ATPAF2: variants seen among roughly 807,000 people sequenced by gnomAD.
ATPAF2 encodes ATP12 homolog.
A neutral mutation model predicts 36.6 loss-of-function variants in ATPAF2; 30 were observed. That is an observed-to-expected ratio of 0.82 (90% CI 0.61 to 1.11). ATPAF2 has a LOEUF of 1.11. Ranked by LOEUF, ATPAF2 falls within the 50% of genes most tolerant of loss-of-function variation. The pLI is 0.00. For synonymous variants in ATPAF2, 140 were observed against 152.6 expected (o/e 0.92, Z 0.61); for missense variants, 321 against 372.3 (o/e 0.86, Z 1.13).
rs1389061026 is a variant in ATPAF2 at position 18,018,627 on chromosome 17, G to GC, written c.791_792insG (p.Arg265ProfsTer86). On this transcript the variant is annotated frameshift_variant, in exon 8 of 8. Coordinates refer to ENST00000474627, the MANE Select transcript of ATPAF2 (RefSeq NM_145691.4). LOFTEE classifies it high-confidence loss of function. Reference sequence around the variant, plus strand: ...TGAAGAGGGTGCCGGCGGCGGTGCGGGCCCGCAGCTCCTGCAGCTCATAGT... The same window carrying GC: ...TGAAGAGGGTGCCGGCGGCGGTGCGGCGCCCGCAGCTCCTGCAGCTCATAGT... 6.2e-7 allele frequency: 1 copy of GC among 1,613,932 alleles called. No homozygotes were observed. The highest frequency in any genetic ancestry group is 8.5e-7 in the Non-Finnish European group (1 of 1,180,042).
rs1597663097 is a variant in ATPAF2, at chr17:18,018,051, A to G, written c.*498T>C. On this transcript the variant is annotated 3_prime_UTR_variant, in exon 8 of 8. Coordinates refer to ENST00000474627, the MANE Select transcript of ATPAF2 (RefSeq NM_145691.4). Reference sequence around the variant, plus strand: ...TCAAAAGATTGTTTGATTAAAAGCCAGCCAAAAAAAAGCCTTCAGGCTGAG... The same window carrying G: ...TCAAAAGATTGTTTGATTAAAAGCCGGCCAAAAAAAAGCCTTCAGGCTGAG... 1 of 179,772 alleles carries G rather than the reference A, an allele frequency of 5.6e-6. No homozygotes were observed. Among genetic ancestry groups the G allele is most frequent in the East Asian group, 1.4e-4 (1 of 7,404 alleles). The allele number at this position is 179,772 out of a possible 1,614,324, so 11.1% of individuals were successfully genotyped here.
intron 4 of ATPAF2, chr17:18,026,116 G>T (rs922568252): frequency 1.5e-6 from 1 of 648,540 alleles, no homozygotes; most frequent in Middle Eastern, 3.8e-4. Context: ...AGAGAAGAGG[G>T]GTGGCCATGT....
intron 7 of ATPAF2, among the ~76,000 whole-genome samples, chr17:18,020,535 C>G (rs1010371353): frequency 6.6e-6 from 1 of 152,226 alleles, no homozygotes; most frequent in African/African-American, 2.4e-5. Context: ...AGAGGTGCAA[C>G]CTTGCACCTC....
chr17:18,016,329 T>G, downstream of ATPAF2: 1 of 1,064,416 alleles, frequency 9.4e-7, no homozygotes, highest in South Asian at 1.5e-5. Context: ...GATTATAGAA[T>G]TCCACACTGA....
intron 3 of ATPAF2, among the ~76,000 whole-genome samples, chr17:18,027,694 C>T (rs1425848922): frequency 1.3e-5 from 2 of 151,738 alleles, no homozygotes; most frequent in Non-Finnish European, 2.9e-5. Flanking sequence ...TTGGTGTGGA[C>T]GAGGGGGCTG....
intron 7 of ATPAF2, among the ~76,000 whole-genome samples, chr17:18,019,249 T>G (rs1251430352): frequency 6.6e-6 from 1 of 151,876 alleles, no homozygotes; most frequent in Non-Finnish European, 1.5e-5. Context: ...ATGGATGGTC[T>G]GGAAGAAGTG....
chr17:18,020,780 G>A, intron 7 of ATPAF2: 1 of 245,748 alleles, frequency 4.1e-6, no homozygotes, highest in Non-Finnish European at 8.0e-6. Context: ...CCAGGTTCAA[G>A]CAATCCTCCC....
At chr17:18,030,366 C>T (rs1488286586) in intron 1 of ATPAF2, among the ~76,000 whole-genome samples, 2 of 141,480 alleles carry the variant, frequency 1.4e-5, no homozygotes, top group East Asian at 2.1e-4. Flanking sequence ...ATTAGCTAGG[C>T]ATGGTGGCAC....
At position 18,038,918 on chromosome 17, in the gene ATPAF2, G is replaced by A. The variant is rs772137447; in HGVS notation, c.96C>T (p.Thr32=). 1.9e-6 allele frequency: 3 copies of A among 1,613,870 alleles called. No individual in the cohort carries two copies. The highest frequency in any genetic ancestry group is 2.5e-6 in the Non-Finnish European group (3 of 1,179,890). The change falls in exon 1 of 8, where the codon ACC becomes ACT. Residue 32 remains threonine (T), a synonymous_variant. Transcript: ENST00000474627. ...CGTAAGCCCGGGCTGGAGACGGGAT[G>A]GTTGGCCCCGGACTCATAGAAGCGC... ...GPSASMSPGP[T]IPSPARAYAP...
chr17:18,020,907 CTCCTCA>C, intron 7 of ATPAF2: 2 of 1,253,664 alleles, frequency 1.6e-6, no homozygotes, highest in Non-Finnish European at 2.1e-6. Flanking sequence ...ATGATCCATC[CTCCTCA>C]GCCACCCAAA....
At chr17:18,024,044 T>C (rs1363371762) in intron 5 of ATPAF2, among the ~76,000 whole-genome samples, 1 of 152,260 alleles carries the variant, frequency 6.6e-6, no homozygotes, top group South Asian at 2.1e-4. Context: ...TGCATACATA[T>C]CGTATATGTT....
intron 1 of ATPAF2, among the ~76,000 whole-genome samples, chr17:18,031,335 CACTAAT>C (rs1307159561): frequency 2.0e-5 from 3 of 152,086 alleles, no homozygotes; most frequent in Non-Finnish European, 2.9e-5. Flanking sequence ...CATTTGCTAT[CACTAAT>C]ACTTACAGAC....
At chr17:18,022,941 C>T (rs567000911) in intron 5 of ATPAF2, among the ~76,000 whole-genome samples, 2 of 151,684 alleles carry the variant, frequency 1.3e-5, no homozygotes, top group African/African-American at 2.4e-5. Context: ...CTGGCTAACA[C>T]GGTGAGACGC....
intron 3 of ATPAF2, among the ~76,000 whole-genome samples, chr17:18,027,091 G>A (rs1281828286): frequency 1.3e-5 from 2 of 151,978 alleles, no homozygotes; most frequent in Non-Finnish European, 2.9e-5. Context: ...CATGGTGGTG[G>A]ACGTCTGTAA....
chr17:18,024,064 TTTTA>T (rs1414026749), intron 5 of ATPAF2, among the ~76,000 whole-genome samples: 5 of 152,376 alleles, frequency 3.3e-5, no homozygotes, highest in African/African-American at 1.2e-4. Context: ...TGTTCTGTTA[TTTTA>T]TTTAATAGTA....
Position 18,018,273 on chromosome 17 carries a change from G to A in ATPAF2, c.*276C>T, listed in dbSNP as rs949095756. 10 of 500,880 alleles carry A rather than the reference G, an allele frequency of 2.0e-5. No homozygotes were observed. The highest frequency in any genetic ancestry group is 1.3e-4 in the Admixed American group (4 of 30,636). The allele number at this position is 500,880 out of a possible 1,614,324, so 31.0% of individuals were successfully genotyped here. On this transcript the variant is annotated 3_prime_UTR_variant, in exon 8 of 8. Transcript: ENST00000474627. The stretch of plus-strand genomic sequence containing the variant: ...CAGGGCTCAGCACATTTCCAGGGTG[G>A]AGAAATATTTAATAAAATCAGAGTC...
intron 1 of ATPAF2, 91 bp from the exon 2 acceptor site, chr17:18,028,750 G>T: frequency 8.4e-7 from 1 of 1,185,710 alleles, no homozygotes; most frequent in Non-Finnish European, 1.3e-6. Context: ...TACTGCTAAT[G>T]TTGATTGATT....
chr17:18,016,560 T>C, downstream of ATPAF2: 1 of 1,610,908 alleles, frequency 6.2e-7, no homozygotes, highest in East Asian at 2.2e-5. Flanking sequence ...CTCCTCAGAT[T>C]CACAAGGATG....
intron 7 of ATPAF2, among the ~76,000 whole-genome samples, chr17:18,019,186 C>CA (rs71155310): frequency 2.0e-3 from 291 of 147,132 alleles, no homozygotes; most frequent in Middle Eastern, 7.1e-3. Context: ...CACACACACA[C>CA]CCCACCACCC....
Sources: gnomAD v4.1 joint callset for allele counts (sites outside exome capture counted in the v4.1 genomes callset) on GRCh38, gnomAD v4.1.1 for gene constraint, MANE v1.5 for transcripts, NCBI Gene and HGNC (gene_info 2026-07-23, HGNC 2026-07-21) for gene names.